Variants in CTNNAL1 observed in about 807,000 individuals in gnomAD.
CTNNAL1 encodes the protein alpha-catulin.
A neutral mutation model predicts 93.6 loss-of-function variants in CTNNAL1; 69 were observed. The observed-to-expected ratio is 0.74, with a 90% CI of 0.61 to 0.90. CTNNAL1 has a LOEUF of 0.90. Among genes scored for constraint, CTNNAL1 ranks in the 40% least tolerant of loss-of-function variants. CTNNAL1 has a pLI of 0.00. For missense variants in CTNNAL1, 836 were observed against 862.0 expected, an observed-to-expected ratio of 0.97 and a Z score of 0.38; for synonymous variants, 286 against 305.4, an observed-to-expected ratio of 0.94 and a Z score of 0.66.
At chr9:108,953,953 TA>T (rs1830631176) in intron 12 of CTNNAL1, among the ~76,000 whole-genome samples, 1 of 152,210 alleles carries the variant, frequency 6.6e-6, no homozygotes, top group South Asian at 2.1e-4. Context: ...AGGCAACTGA[TA>T]AAACATTTAA....
At chr9:108,949,219 GT>G (rs1457321117) in intron 14 of CTNNAL1, among the ~76,000 whole-genome samples, 2 of 152,264 alleles carry the variant, frequency 1.3e-5, no homozygotes, top group African/African-American at 4.8e-5. Context: ...ATTCTGGAAT[GT>G]CATCACTACT....
intron 2 of CTNNAL1, among the ~76,000 whole-genome samples, chr9:108,993,488 C>A (rs914815555): frequency 1.3e-5 from 2 of 152,218 alleles, no homozygotes; most frequent in Non-Finnish European, 2.9e-5. Flanking sequence ...GGCTGGCCCT[C>A]ATTTAGGCTA....
chr9:109,012,734 AG>A (rs1254867860), intron 1 of CTNNAL1, among the ~76,000 whole-genome samples: 1 of 152,194 alleles, frequency 6.6e-6, no homozygotes, highest in Non-Finnish European at 1.5e-5. Flanking sequence ...GGGAAGGGGT[AG>A]GGTGGCCGGG....
Position 108,977,049 on chromosome 9 carries a change from C to T in CTNNAL1, c.1102-1G>A, listed in dbSNP as rs1011485003. On this transcript the variant is annotated splice_acceptor_variant, in intron 7 of 18. Coordinates refer to ENST00000325551, the MANE Select transcript of CTNNAL1 (RefSeq NM_003798.4). LOFTEE classifies it high-confidence loss of function. ...CGATGCTTTTTGTTTTCTTGCTTTG[C>T]TAAAAATTTTAAAAAGTATACATGT... 3 of 1,490,902 alleles carry T rather than the reference C, an allele frequency of 2.0e-6. No homozygotes were observed. The highest frequency in any genetic ancestry group is 2.7e-6 in the Non-Finnish European group (3 of 1,112,184). 92.4% of individuals were successfully genotyped at this position (1,490,902 alleles called of 1,614,324 possible). A position where few individuals can be genotyped will look rare whatever the true frequency, so the allele number is the denominator to read the frequency against.
At chr9:109,008,152 C>CTTTTTTT (rs149753320) in intron 1 of CTNNAL1, among the ~76,000 whole-genome samples, 194 of 85,286 alleles carry the variant, frequency 2.3e-3, no homozygotes, top group African/African-American at 2.5e-3. Context: ...ATCCATCTTT[C>CTTTTTTT]TTTTTTTTTT....
chr9:108,982,265 T>C (rs1277074631), intron 6 of CTNNAL1, among the ~76,000 whole-genome samples: 1 of 152,158 alleles, frequency 6.6e-6, no homozygotes, highest in East Asian at 1.9e-4. Context: ...TCCTCAACAG[T>C]GTAATGGAAA....
At chr9:109,003,278 T>A (rs1413829556) in intron 1 of CTNNAL1, among the ~76,000 whole-genome samples, 2 of 152,208 alleles carry the variant, frequency 1.3e-5, no homozygotes, top group African/African-American at 2.4e-5. Flanking sequence ...TGTGGGCTTT[T>A]GTCTAGTAGA....
intron 1 of CTNNAL1, among the ~76,000 whole-genome samples, chr9:109,003,189 A>G (rs1344503690): frequency 6.6e-6 from 1 of 152,232 alleles, no homozygotes; most frequent in Non-Finnish European, 1.5e-5. Flanking sequence ...ATCTCCCAAG[A>G]AGCCTAAAGA....
chr9:108,961,795 G>A (rs1463196090), intron 11 of CTNNAL1, among the ~76,000 whole-genome samples: 1 of 152,172 alleles, frequency 6.6e-6, no homozygotes, highest in Non-Finnish European at 1.5e-5. Context: ...CTAACAGATT[G>A]TTTTACCTCT....
intron 1 of CTNNAL1, among the ~76,000 whole-genome samples, chr9:109,005,859 T>C (rs1327079375): frequency 6.6e-6 from 1 of 152,244 alleles, no homozygotes; most frequent in Non-Finnish European, 1.5e-5. Context: ...TAGAAGCGCC[T>C]TCCCCAGTGC....
intron 1 of CTNNAL1, among the ~76,000 whole-genome samples, chr9:109,000,606 C>T (rs535702130): frequency 2.0e-5 from 3 of 149,646 alleles, no homozygotes; most frequent in Admixed American, 6.8e-5. Flanking sequence ...CCTTCTAAGA[C>T]AAAGCGATAT....
chr9:108,949,985 C>G (rs1404620580), intron 14 of CTNNAL1, among the ~76,000 whole-genome samples: 3 of 148,302 alleles, frequency 2.0e-5, no homozygotes, highest in African/African-American at 7.5e-5. Flanking sequence ...GATCATGCCA[C>G]TGCACTCCAG....
chr9:108,975,000 T>C (rs1033971288), intron 8 of CTNNAL1, among the ~76,000 whole-genome samples: 8 of 151,564 alleles, frequency 5.3e-5, no homozygotes, highest in Admixed American at 1.3e-4. Context: ...CCATCTCTAC[T>C]AAAAATACAA....
rs1830583839 is a variant in CTNNAL1, at chr9:108,952,278, T to C, written c.1766A>G (p.Gln589Arg). 2.5e-6 allele frequency: 4 copies of C among 1,614,234 alleles called. No homozygotes were observed. The highest frequency in any genetic ancestry group is 2.2e-5 in the East Asian group (1 of 44,880). Residue 589 changes from glutamine to arginine, a missense_variant, in exon 14 of 19, where the codon CAG (glutamine) becomes CGG (arginine). Gln to Arg is a conservative substitution (Grantham distance 43). Coordinates refer to ENST00000325551, the MANE Select transcript of CTNNAL1 (RefSeq NM_003798.4). ...ADCEIEKWED[Q>R]ENEIVQYGRN... ...TCCATATTGAACAATCTCATTCTCC[T>C]GATCTTCCCACTTCTCAATTTCGCA...
chr9:108,983,415 A>G, intron 5 of CTNNAL1, 100 bp from the exon 6 acceptor site: 1 of 1,262,330 alleles, frequency 7.9e-7, no homozygotes, highest in East Asian at 3.1e-5. Context: ...ATGGTTCTTT[A>G]CCAAAATCTC....
At chr9:108,999,661 C>T (rs1278572028) in intron 1 of CTNNAL1, among the ~76,000 whole-genome samples, 1 of 152,234 alleles carries the variant, frequency 6.6e-6, no homozygotes, top group Non-Finnish European at 1.5e-5. Flanking sequence ...TCTTCCTCTC[C>T]ATTCCACTCC....
At chr9:108,957,539 A>G (rs1192102529) in intron 11 of CTNNAL1, among the ~76,000 whole-genome samples, 2 of 152,202 alleles carry the variant, frequency 1.3e-5, no homozygotes, top group Non-Finnish European at 2.9e-5. Context: ...TTATGATTCA[A>G]ATCATTTCCT....
intron 1 of CTNNAL1, among the ~76,000 whole-genome samples, chr9:109,004,149 C>T (rs1431225662): frequency 6.6e-6 from 1 of 152,136 alleles, no homozygotes; most frequent in Non-Finnish European, 1.5e-5. Flanking sequence ...TGGGAAGGCT[C>T]ACATCATGAG....
At chr9:108,985,095 C>T (rs1287464524) in intron 4 of CTNNAL1, among the ~76,000 whole-genome samples, 1 of 152,130 alleles carries the variant, frequency 6.6e-6, no homozygotes, top group Non-Finnish European at 1.5e-5. Context: ...GTGTGCTATT[C>T]ACATGAGGTA....
Sources: allele counts gnomAD v4.1 joint callset (sites outside exome capture counted in the v4.1 genomes callset), GRCh38; gene constraint gnomAD v4.1.1; transcripts MANE v1.5; gene names NCBI Gene and HGNC (gene_info 2026-07-23, HGNC 2026-07-21).